Variants in SUMF1 observed in about 807,000 individuals in gnomAD.
SUMF1 encodes formylglycine-generating enzyme.
Under a neutral mutation model 47.6 loss-of-function variants are expected in SUMF1, and 48 were observed. The observed-to-expected ratio is 1.01, with a 90% confidence interval of 0.80 to 1.28. SUMF1 has a LOEUF of 1.28. SUMF1 is among the 50% of genes most tolerant of loss of function. The pLI, the probability that SUMF1 is intolerant of heterozygous loss-of-function variation, is 0.00. For missense variants in SUMF1, 571 were observed against 485.4 expected (o/e 1.18, Z -1.66); for synonymous variants, 230 against 192.1 (o/e 1.20, Z -1.63).
rs144771849 is a variant in SUMF1, at chr3:4,119,713, AAC to A, written c.1015-50970_1015-50969del. 8.5e-3 allele frequency among the ~76,000 whole-genome samples: 1,260 copies of A among 148,388 alleles called. 19 individuals are homozygous for A. Among genetic ancestry groups the A allele is most frequent in the African/African-American group, 0.027 (1,119 of 40,716 alleles). On this transcript the variant is annotated intron_variant and NMD_transcript_variant, in intron 8 of 12. Coordinates refer to the SUMF1 transcript ENST00000448413. ...GCAAGAGGCCACACACACATACACA[AAC>A]ACACACACACACACACACACAAACC...
At chr3:4,109,336 T>G (rs1693236936) in intron 8 of SUMF1, among the ~76,000 whole-genome samples, 1 of 152,126 alleles carries the variant, frequency 6.6e-6, no homozygotes. Flanking sequence ...AACCCGACCT[T>G]TCTCTCTGGC....
At chr3:4,064,908 C>T (rs1290423270) in intron 9 of SUMF1, among the ~76,000 whole-genome samples, 1 of 152,092 alleles carries the variant, frequency 6.6e-6, no homozygotes, top group Non-Finnish European at 1.5e-5. Flanking sequence ...CAGCATGGGA[C>T]ACAGCAAAAA....
intron 8 of SUMF1, among the ~76,000 whole-genome samples, chr3:4,305,045 A>C (rs1051142541): frequency 1.3e-5 from 2 of 152,106 alleles, no homozygotes; most frequent in Non-Finnish European, 2.9e-5. Context: ...CAATTGGTTG[A>C]GTTTGTCTGA....
chr3:4,423,312 AC>A lies in SUMF1; in HGVS notation c.520-3167del, dbSNP rs1312693029. ...CACACACACACACACACACACACAC[AC>A]ACAATGGAATACTACTCAGCCATAA... On this transcript the variant is annotated intron_variant, in intron 3 of 8. Coordinates refer to ENST00000272902, the MANE Select transcript of SUMF1 (RefSeq NM_182760.4). Among the ~76,000 whole-genome samples, 23 of 144,886 alleles carry A rather than the reference AC, an allele frequency of 1.6e-4. 1 individual carries two copies. Among genetic ancestry groups the A allele is most frequent in the African/African-American group, 5.7e-4 (23 of 40,704 alleles).
At chr3:4,229,642 T>A (rs541234003) in intron 8 of SUMF1, among the ~76,000 whole-genome samples, 1 of 152,278 alleles carries the variant, frequency 6.6e-6, no homozygotes, top group South Asian at 2.1e-4. Flanking sequence ...TCATCAAGTA[T>A]GATCTGCTCC....
At chr3:4,301,811 A>C (rs913216012) in intron 8 of SUMF1, among the ~76,000 whole-genome samples, 1 of 152,348 alleles carries the variant, frequency 6.6e-6, no homozygotes, top group Non-Finnish European at 1.5e-5. Flanking sequence ...AGAAATGCTC[A>C]ATCATTAGCT....
chr3:4,172,439 C>T (rs1199600285), intron 8 of SUMF1, among the ~76,000 whole-genome samples: 1 of 152,180 alleles, frequency 6.6e-6, no homozygotes, highest in Admixed American at 6.5e-5. Context: ...ATAATAGCAG[C>T]ACACTTTTTG....
intron 8 of SUMF1, among the ~76,000 whole-genome samples, chr3:4,072,562 T>A (rs1465847885): frequency 6.6e-6 from 1 of 152,032 alleles, no homozygotes; most frequent in Non-Finnish European, 1.5e-5. Flanking sequence ...TTCTAAACCA[T>A]CTCAAGGAAG....
intron 8 of SUMF1, among the ~76,000 whole-genome samples, chr3:4,133,363 T>G (rs1574912459): frequency 6.6e-6 from 1 of 152,106 alleles, no homozygotes; most frequent in South Asian, 2.1e-4. Context: ...ATTTGAAAAT[T>G]ATGTATGATC....
chr3:4,257,480 G>A (rs1696982031), intron 8 of SUMF1, among the ~76,000 whole-genome samples: 2 of 149,492 alleles, frequency 1.3e-5, no homozygotes, highest in Non-Finnish European at 1.5e-5. Context: ...GACAAACAGA[G>A]AACCAAATCA....
intron 8 of SUMF1, among the ~76,000 whole-genome samples, chr3:4,178,577 C>T (rs1204580975): frequency 2.0e-5 from 3 of 152,114 alleles, no homozygotes; most frequent in Non-Finnish European, 4.4e-5. Flanking sequence ...AACCCACAGC[C>T]AATATCATAC....
At chr3:4,089,779 T>C (rs1200472733) in intron 8 of SUMF1, among the ~76,000 whole-genome samples, 2 of 152,194 alleles carry the variant, frequency 1.3e-5, no homozygotes, top group Non-Finnish European at 2.9e-5. Flanking sequence ...TTCCTACATG[T>C]TGATCACATC....
chr3:4,372,637 C>G (rs1415658040), intron 8 of SUMF1, among the ~76,000 whole-genome samples: 1 of 152,118 alleles, frequency 6.6e-6, no homozygotes, highest in Non-Finnish European at 1.5e-5. Context: ...TCATTTACTC[C>G]TCATCAGAAC....
At chr3:4,167,672 T>C (rs150007955) in intron 8 of SUMF1, among the ~76,000 whole-genome samples, 1 of 152,310 alleles carries the variant, frequency 6.6e-6, no homozygotes, top group East Asian at 1.9e-4. Context: ...GAAGTCCGGC[T>C]GGCTCTTCAC....
chr3:4,202,574 G>A (rs1288465409), intron 8 of SUMF1, among the ~76,000 whole-genome samples: 2 of 151,808 alleles, frequency 1.3e-5, no homozygotes, highest in African/African-American at 4.8e-5. Flanking sequence ...GTTCCAAATG[G>A]CTTTGGCTAT....
At chr3:4,087,348 A>C (rs913811286) in intron 8 of SUMF1, among the ~76,000 whole-genome samples, 4 of 152,124 alleles carry the variant, frequency 2.6e-5, no homozygotes, top group Non-Finnish European at 4.4e-5. Flanking sequence ...ATTACACCTC[A>C]AAATAGCCAT....
At chr3:4,393,680 G>A (rs1217497635) in intron 7 of SUMF1, among the ~76,000 whole-genome samples, 1 of 151,570 alleles carries the variant, frequency 6.6e-6, no homozygotes, top group Non-Finnish European at 1.5e-5. Context: ...TAATAATAGA[G>A]TGTGGCAGAA....
intron 8 of SUMF1, among the ~76,000 whole-genome samples, chr3:4,215,050 G>C (rs978529862): frequency 6.6e-6 from 1 of 152,102 alleles, no homozygotes; most frequent in African/African-American, 2.4e-5. Flanking sequence ...CATTTTATGA[G>C]GCCAACATCA....
intron 9 of SUMF1, among the ~76,000 whole-genome samples, chr3:4,052,378 A>G (rs1313880779): frequency 6.6e-6 from 1 of 152,182 alleles, no homozygotes; most frequent in Non-Finnish European, 1.5e-5. Context: ...CAAGCACAGC[A>G]AAAAGTTTAT....
Sources: gnomAD v4.1 joint callset for allele counts (sites outside exome capture counted in the v4.1 genomes callset) on GRCh38, gnomAD v4.1.1 for gene constraint, MANE v1.5 for transcripts, NCBI Gene and HGNC (gene_info 2026-07-23, HGNC 2026-07-21) for gene names.